AGAP1: variants seen among roughly 807,000 people sequenced by gnomAD.
AGAP1 encodes the protein ArfGAP with GTPase domain, ankyrin repeat and PH domain 1, also known as arf-GAP with GTPase, ANK repeat and PH domain-containing protein 1.
A neutral mutation model predicts 105.3 loss-of-function variants in AGAP1; 29 were observed. The ratio of observed to expected loss-of-function variants is 0.28; its 90% CI spans 0.21 to 0.38. The LOEUF (loss-of-function observed/expected upper bound fraction) is 0.38. AGAP1 is among the 10% of genes least tolerant of loss of function. The probability of loss-of-function intolerance (pLI) is 1.00; values close to 1 mark genes in which losing one functional copy is unlikely to be tolerated. For missense variants in AGAP1, 998 were observed against 1,165.1 expected, an observed-to-expected ratio of 0.86 and a Z score of 2.09; for synonymous variants, 509 against 485.9, an observed-to-expected ratio of 1.05 and a Z score of -0.63.
At chr2:236,006,585 A>G (rs1020186955) in intron 13 of AGAP1, among the ~76,000 whole-genome samples, 1 of 152,238 alleles carries the variant, frequency 6.6e-6, no homozygotes, top group African/African-American at 2.4e-5. Context: ...AGGAATGGCT[A>G]CAACTATGTT....
chr2:235,699,535 C>T (rs1026663653), intron 1 of AGAP1, among the ~76,000 whole-genome samples: 6 of 152,254 alleles, frequency 3.9e-5, no homozygotes, highest in African/African-American at 1.4e-4. Context: ...TTGTAAAACC[C>T]CTGGAGCATT....
chr2:235,529,202 T>C (rs1186352053), intron 1 of AGAP1, among the ~76,000 whole-genome samples: 2 of 152,196 alleles, frequency 1.3e-5, no homozygotes, highest in Non-Finnish European at 2.9e-5. Flanking sequence ...GCTGGTCCTT[T>C]CTGTGAATAT....
intron 9 of AGAP1, among the ~76,000 whole-genome samples, chr2:235,863,683 A>C (rs937115585): frequency 6.6e-6 from 1 of 152,228 alleles, no homozygotes; most frequent in African/African-American, 2.4e-5. Flanking sequence ...ATGGCTAACT[A>C]CGGGTCGCTG....
chr2:236,007,541 T>G (rs539499085), intron 13 of AGAP1, among the ~76,000 whole-genome samples: 1 of 152,356 alleles, frequency 6.6e-6, no homozygotes, highest in African/African-American at 2.4e-5. Flanking sequence ...TACCTCTGAT[T>G]AGTTGGTTGA....
At chr2:235,974,851 G>C (rs2054791831) in intron 13 of AGAP1, among the ~76,000 whole-genome samples, 1 of 152,202 alleles carries the variant, frequency 6.6e-6, no homozygotes, top group Non-Finnish European at 1.5e-5. Context: ...CTGTGTGCTT[G>C]CCTCCATGGG....
chr2:235,657,243 G>C (rs1947802565), intron 1 of AGAP1, among the ~76,000 whole-genome samples: 1 of 152,196 alleles, frequency 6.6e-6, no homozygotes, highest in South Asian at 2.1e-4. Flanking sequence ...GGTAGCCCTG[G>C]AGTTGAGTTG....
rs7575013 is a variant in AGAP1, at chr2:236,049,439, T to C, written c.2114+158T>C. 15,337 of 680,596 alleles carry C rather than the reference T, an allele frequency of 0.023. 1,829 individuals carry two copies. In the African/African-American group the frequency reaches 0.25, roughly 11 times the overall value. 42.2% of individuals were successfully genotyped at this position (680,596 alleles called of 1,614,324 possible). On this transcript the variant is annotated intron_variant, in intron 16 of 17. Transcript: ENST00000304032. ...GCATAGGAATGTCTGTGTTTAAAGT[T>C]GGTCTTGAGCAGACGTGGATAATTC...
intron 10 of AGAP1, among the ~76,000 whole-genome samples, chr2:235,885,500 C>T (rs962542733): frequency 2.6e-5 from 4 of 152,206 alleles, no homozygotes; most frequent in Non-Finnish European, 5.9e-5. Flanking sequence ...GTTGAAGAGT[C>T]GCATGTGCTT....
At chr2:235,778,099 A>T (rs1017308710) in intron 6 of AGAP1, among the ~76,000 whole-genome samples, 1 of 152,048 alleles carries the variant, frequency 6.6e-6, no homozygotes, top group African/African-American at 2.4e-5. Flanking sequence ...TGTCCTTGAC[A>T]TCACACCTGG....
chr2:235,711,776 A>AGT (rs894651444), intron 2 of AGAP1, among the ~76,000 whole-genome samples: 1 of 152,174 alleles, frequency 6.6e-6, no homozygotes, highest in African/African-American at 2.4e-5. Context: ...GCAGCCTCCA[A>AGT]GTGCCTATAG....
chr2:235,556,906 C>G lies in AGAP1; in HGVS notation c.163+62057C>G, dbSNP rs183849220. Among the ~76,000 whole-genome samples the G allele has an allele frequency of 1.6e-4, 24 of 152,240 alleles. No homozygotes were observed. The East Asian group carries it at 3.5e-3, about 22-fold the overall frequency. ...TGCTCTTCATTGGCAATGTAGAAGTCAAGTTTGAACTGAGGGCTGTCTTAT... is the reference window on the plus strand; with the variant it reads ...TGCTCTTCATTGGCAATGTAGAAGTGAAGTTTGAACTGAGGGCTGTCTTAT... On this transcript the variant is annotated intron_variant, in intron 1 of 17. Coordinates refer to ENST00000304032, the MANE Select transcript of AGAP1 (RefSeq NM_001037131.3). This position sits in a 1 kb window ranked among gnomAD's most constrained non-coding sequence, Gnocchi z 5.3.
intron 1 of AGAP1, among the ~76,000 whole-genome samples, chr2:235,558,190 C>T (rs1320429088): frequency 3.3e-5 from 5 of 152,120 alleles, no homozygotes; most frequent in Non-Finnish European, 5.9e-5. Context: ...TACTCGGTTC[C>T]GCATGGGCTG....
At chr2:236,093,065 G>T (rs1041735130) in intron 16 of AGAP1, among the ~76,000 whole-genome samples, 1 of 152,238 alleles carries the variant, frequency 6.6e-6, no homozygotes, top group Non-Finnish European at 1.5e-5. Context: ...GGCAGTGGGG[G>T]AGAAGCTCTT....
In AGAP1 at chr2:235,833,957, T is replaced by TAAAAA. The variant is rs60112448; in HGVS notation, c.1050+26635_1050+26639dup. 5.0e-4 allele frequency among the ~76,000 whole-genome samples: 69 copies of TAAAAA among 137,830 alleles called. 1 individual carries two copies. The highest frequency in any genetic ancestry group is 1.6e-3 in the African/African-American group (59 of 37,916). 90.4% of individuals were successfully genotyped at this position (137,830 alleles called of 152,430 possible). The stretch of plus-strand genomic sequence containing the variant: ...TTTTGTAAAACTCACATTTTTTTTG[T>TAAAAA]AAAAAAAAAAAAAGCCAGTAGCAGC... On this transcript the variant is annotated intron_variant, in intron 9 of 17. Transcript: ENST00000304032.
intron 11 of AGAP1, among the ~76,000 whole-genome samples, chr2:235,910,489 A>G (rs913513861): frequency 2.6e-5 from 4 of 152,198 alleles, no homozygotes; most frequent in African/African-American, 9.6e-5. Flanking sequence ...GATTTTTCTT[A>G]TTAGAGCGGT....
chr2:235,817,425 A>G (rs1302952610), intron 9 of AGAP1, among the ~76,000 whole-genome samples: 1 of 152,034 alleles, frequency 6.6e-6, no homozygotes, highest in Non-Finnish European at 1.5e-5. Context: ...GATAGTTTTG[A>G]GTAGCAAAAA....
chr2:235,534,204 A>G (rs1434446300), intron 1 of AGAP1, among the ~76,000 whole-genome samples: 1 of 152,182 alleles, frequency 6.6e-6, no homozygotes, highest in African/African-American at 2.4e-5. Context: ...AGGGCTTGCC[A>G]GATGGTCGGT....
intron 1 of AGAP1, among the ~76,000 whole-genome samples, chr2:235,704,962 C>CTTTTT (rs796721149): frequency 1.2e-5 from 1 of 86,010 alleles, no homozygotes; most frequent in Non-Finnish European, 2.3e-5. Context: ...ATACAAGATG[C>CTTTTT]TTTTTTCTTT....
chr2:236,031,926 C>T (rs903999826), intron 13 of AGAP1, among the ~76,000 whole-genome samples: 1 of 152,190 alleles, frequency 6.6e-6, no homozygotes, highest in Non-Finnish European at 1.5e-5. Flanking sequence ...ACAGCCTTCA[C>T]TTTCACTGGG....
Sources: allele counts gnomAD v4.1 joint callset (sites outside exome capture counted in the v4.1 genomes callset), GRCh38; gene constraint gnomAD v4.1.1; non-coding constraint Gnocchi (gnomAD v3.1); transcripts MANE v1.5; gene names NCBI Gene and HGNC (gene_info 2026-07-23, HGNC 2026-07-21).